PPP2R1B: variants seen among roughly 807,000 people sequenced by gnomAD.
PPP2R1B encodes serine/threonine-protein phosphatase 2A 65 kDa regulatory subunit A beta isoform.
Under a neutral mutation model 72.7 loss-of-function variants are expected in PPP2R1B, and 58 were observed. The ratio of observed to expected loss-of-function variants is 0.80; its 90% CI spans 0.65 to 0.99. The LOEUF (loss-of-function observed/expected upper bound fraction) is 0.99. Ranked by LOEUF, PPP2R1B falls within the 50% of genes least tolerant of loss-of-function variation. The pLI, the probability that PPP2R1B is intolerant of heterozygous loss-of-function variation, is 0.00. For missense variants in PPP2R1B, 695 were observed against 733.6 expected, an observed-to-expected ratio of 0.95 and a Z score of 0.61; for synonymous variants, 256 against 264.6, an observed-to-expected ratio of 0.97 and a Z score of 0.32.
At position 111,742,090 on chromosome 11, in the gene PPP2R1B, G is replaced by A. The variant is rs1174170264; in HGVS notation, c.1752C>T (p.Asp584=). The A allele has an allele frequency of 1.2e-6, 2 of 1,613,874 alleles. No homozygotes were observed. The highest frequency in any genetic ancestry group is 1.7e-5 in the Admixed American group (1 of 60,022). The part of the protein sequence containing the change: ...PVLQKLGQDE[D]MDVKYFAQEA... ...CCTGTGCAAAGTATTTGACATCCAT[G>A]TCTTCATCTTGACCTAACTTCTGTA... The change falls in exon 14 of 15, where the codon GAC becomes GAT. Residue 584 remains aspartate (D), a synonymous_variant. Coordinates refer to ENST00000527614, the MANE Select transcript of PPP2R1B (RefSeq NM_002716.5).
intron 11 of PPP2R1B, 106 bp downstream of exon 11, chr11:111,747,848 C>T (rs1190615070): frequency 2.9e-6 from 3 of 1,050,242 alleles, no homozygotes; most frequent in East Asian, 2.7e-5. Flanking sequence ...TTCATTCCTA[C>T]AATATTAAGG....
At chr11:111,759,768 A>C in intron 5 of PPP2R1B, 36 bp downstream of exon 5, 2 of 1,564,000 alleles carry the variant, frequency 1.3e-6, no homozygotes, top group Non-Finnish European at 1.7e-6. Flanking sequence ...GGAAAGGAGC[A>C]TATCTGTGTC....
At chr11:111,693,524 C>A in the PPP2R1B span, among the ~76,000 whole-genome samples, 2 of 152,118 alleles carry the variant, frequency 1.3e-5, no homozygotes, top group African/African-American at 2.4e-5. Context: ...CCTGTTTTGG[C>A]CCTGGCTGTT....
downstream of PPP2R1B, among the ~76,000 whole-genome samples, chr11:111,722,475 G>C (rs532078135): frequency 6.6e-6 from 1 of 152,366 alleles, no homozygotes; most frequent in East Asian, 1.9e-4. The surrounding 1 kb of genome is among the most constrained non-coding windows in gnomAD (Gnocchi z 4.4). Context: ...AAGTAGGTGA[G>C]GTCAGAGATG....
the PPP2R1B span, among the ~76,000 whole-genome samples, chr11:111,702,798 G>A: frequency 2.2e-4 from 33 of 152,180 alleles, no homozygotes; most frequent in Non-Finnish European, 3.2e-4. Context: ...GCAGCAGCCC[G>A]TTGGAGAGCT....
chr11:111,723,746 C>G, downstream of PPP2R1B: 1 of 1,614,132 alleles, frequency 6.2e-7, no homozygotes, highest in South Asian at 1.1e-5. Flanking sequence ...GATGCAGCTT[C>G]AGCCCCTGCC....
the PPP2R1B span, among the ~76,000 whole-genome samples, chr11:111,689,305 G>A: frequency 2.0e-5 from 3 of 152,174 alleles, no homozygotes; most frequent in Non-Finnish European, 4.4e-5. Context: ...ATGGGTAGGG[G>A]TAAAGTGGAA....
the PPP2R1B span, chr11:111,700,949 C>T: frequency 6.2e-7 from 1 of 1,614,030 alleles, no homozygotes; most frequent in Non-Finnish European, 8.5e-7. Flanking sequence ...GGCAGCCCCC[C>T]TTATGCAGCC....
downstream of PPP2R1B, among the ~76,000 whole-genome samples, chr11:111,737,176 G>A (rs1944363275): frequency 6.6e-6 from 1 of 152,196 alleles, no homozygotes; most frequent in Non-Finnish European, 1.5e-5. Context: ...CCTCGCTGTT[G>A]GACTGGGAGG....
intron 10 of PPP2R1B, among the ~76,000 whole-genome samples, chr11:111,750,942 G>A (rs989480544): frequency 5.9e-5 from 9 of 151,930 alleles, no homozygotes; most frequent in Non-Finnish European, 1.3e-4. Flanking sequence ...GGGTTCAAGC[G>A]ATTCTCCTGC....
intron 15 of PPP2R1B, among the ~76,000 whole-genome samples, chr11:111,731,096 C>T (rs907771027): frequency 2.0e-5 from 3 of 152,244 alleles, no homozygotes; most frequent in Admixed American, 6.5e-5. Flanking sequence ...CACTGCTAAC[C>T]GCAGCCTGCA....
intron 3 of PPP2R1B, among the ~76,000 whole-genome samples, chr11:111,763,868 C>CTA (rs199583320): frequency 0.041 from 6,208 of 149,846 alleles, 151 homozygotes; most frequent in East Asian, 0.13. Flanking sequence ...CTCTCTCTCT[C>CTA]TATATATATA....
intron 5 of PPP2R1B, among the ~76,000 whole-genome samples, chr11:111,756,253 T>G: frequency 6.6e-6 from 1 of 151,852 alleles, no homozygotes; most frequent in Non-Finnish European, 1.5e-5. Flanking sequence ...GCTGCTCCCT[T>G]TGCCTGGAAT....
intron 15 of PPP2R1B, chr11:111,730,675 A>G (rs1446914327): frequency 6.7e-6 from 1 of 150,348 alleles, no homozygotes; most frequent in Non-Finnish European, 1.5e-5. Flanking sequence ...CTCCAATGTG[A>G]AAAAAAAAAT....
At chr11:111,721,852 A>G in the PPP2R1B span, 1 of 1,610,324 alleles carries the variant, frequency 6.2e-7, no homozygotes, top group South Asian at 1.1e-5. Context: ...CAGCAGCAGG[A>G]AAGCGTCTCC....
rs2136034579 is a variant in PPP2R1B, at chr11:111,739,252, TAAAAC to T, written c.*2339_*2343del. On this transcript the variant is annotated 3_prime_UTR_variant, in exon 15 of 15. Coordinates refer to ENST00000527614, the MANE Select transcript of PPP2R1B (RefSeq NM_002716.5). ...CAGGCACTGGCGATACAGTAGAAGA[TAAAAC>T]AGACAAAAATACCAGCCTTACAGAG... The T allele has an allele frequency of 3.1e-6, 3 of 971,510 alleles. No homozygotes were observed. Among genetic ancestry groups the T allele is most frequent in the South Asian group, 9.5e-5 (2 of 20,998 alleles). 60.2% of individuals were successfully genotyped at this position (971,510 alleles called of 1,614,324 possible).
At chr11:111,723,403 A>G (rs552104379), downstream of PPP2R1B, 1 of 1,348,736 alleles carries the variant, frequency 7.4e-7, no homozygotes, top group South Asian at 1.4e-5. Flanking sequence ...ACTTAAGTAG[A>G]AGACTGAAGC....
chr11:111,737,404 C>T (rs368991099), downstream of PPP2R1B: 23 of 1,613,558 alleles, frequency 1.4e-5, no homozygotes, highest in Admixed American at 3.3e-5. Flanking sequence ...TGGCTGCCCG[C>T]AGCCCTGAGG....
chr11:111,761,313 AG>A, intron 3 of PPP2R1B: 1 of 582,340 alleles, frequency 1.7e-6, no homozygotes, highest in Non-Finnish European at 3.2e-6. Flanking sequence ...ACAGTGTAAA[AG>A]ACTTGACACA....
Sources: gnomAD v4.1 joint callset for allele counts (sites outside exome capture counted in the v4.1 genomes callset) on GRCh38, gnomAD v4.1.1 for gene constraint, Gnocchi (gnomAD v3.1) non-coding constraint, MANE v1.5 for transcripts, NCBI Gene and HGNC (gene_info 2026-07-23, HGNC 2026-07-21) for gene names.